Variants in DENND4C observed in about 807,000 individuals in gnomAD.
DENND4C encodes DENN domain containing 4C.
Under a neutral mutation model 203.0 loss-of-function variants are expected in DENND4C, and 108 were observed. The ratio of observed to expected loss-of-function variants is 0.53; its 90% CI spans 0.46 to 0.62. The LOEUF (loss-of-function observed/expected upper bound fraction) is 0.62. DENND4C is among the 20% of genes least tolerant of loss of function. The pLI is 0.00. For synonymous variants in DENND4C, 871 were observed against 792.4 expected, an observed-to-expected ratio of 1.10 and a Z score of -1.67; for missense variants, 2,481 against 2,301.2, an observed-to-expected ratio of 1.08 and a Z score of -1.60.
At chr9:19,335,746 T>A (rs1177007151) in intron 18 of DENND4C, among the ~76,000 whole-genome samples, 1 of 152,222 alleles carries the variant, frequency 6.6e-6, no homozygotes, top group Non-Finnish European at 1.5e-5. Context: ...ATTTTCTTCA[T>A]CCATTCATAC....
At chr9:19,251,173 G>A (rs1042591940) in intron 1 of DENND4C, among the ~76,000 whole-genome samples, 10 of 152,200 alleles carry the variant, frequency 6.6e-5, no homozygotes, top group Non-Finnish European at 1.5e-4. Context: ...TCTAGGCGGT[G>A]GTTCGCAAAC....
At chr9:19,334,628 C>T (rs930136697) in intron 17 of DENND4C, among the ~76,000 whole-genome samples, 11 of 150,436 alleles carry the variant, frequency 7.3e-5, no homozygotes, top group Non-Finnish European at 1.5e-4. Flanking sequence ...TGGCTTCAAG[C>T]GATTCTCGTG....
rs1829114652 is a variant in DENND4C, at chr9:19,373,109, A to G, written c.*936A>G. On this transcript the variant is annotated 3_prime_UTR_variant, in exon 33 of 33. Transcript: ENST00000434457. ...ATGACAGCTGCCTTCCCTAACTTTA[A>G]TGTATTAGGTTGGCACAAAATTAAT... is the stretch of plus-strand genomic sequence containing the variant. 1 of 152,176 alleles carries G rather than the reference A, an allele frequency of 6.6e-6. No individual in the cohort carries two copies. Among genetic ancestry groups the G allele is most frequent in the Non-Finnish European group, 1.5e-5 (1 of 68,030 alleles). 9.4% of individuals were successfully genotyped at this position (152,176 alleles called of 1,614,324 possible). A position where few individuals can be genotyped will look rare whatever the true frequency, so the allele number is the denominator to read the frequency against.
intron 17 of DENND4C, among the ~76,000 whole-genome samples, chr9:19,333,562 A>T (rs2131819266): frequency 6.6e-6 from 1 of 152,308 alleles, no homozygotes; most frequent in East Asian, 1.9e-4. Flanking sequence ...ACTGAGGTAG[A>T]TAATAATAGT....
Position 19,258,970 on chromosome 9 carries a change from TA to T in DENND4C, c.-17-17187del, listed in dbSNP as rs774183145. On this transcript the variant is annotated intron_variant, in intron 1 of 32. Coordinates refer to ENST00000434457, the MANE Select transcript of DENND4C (RefSeq NM_001330640.2). ...CTGCCTGGCCTAAATTTTAAGTTTT[TA>T]TGGGTACATAGTAGGTGTATATATT... 9.2e-5 allele frequency among the ~76,000 whole-genome samples: 14 copies of T among 152,264 alleles called. No homozygotes were observed. The South Asian group carries it at 2.5e-3, about 27-fold the overall frequency.
intron 5 of DENND4C, chr9:19,292,230 C>T (rs926922896): frequency 6.6e-6 from 1 of 151,392 alleles, no homozygotes; most frequent in Non-Finnish European, 1.5e-5. Context: ...GGATTTCACC[C>T]TGTTGGTCAG....
intron 1 of DENND4C, among the ~76,000 whole-genome samples, chr9:19,260,685 C>T (rs1252133451): frequency 6.6e-6 from 1 of 152,172 alleles, no homozygotes; most frequent in African/African-American, 2.4e-5. Context: ...GTGTAAGCAA[C>T]CATGCTCGGC....
In DENND4C at chr9:19,316,601, G is replaced by A. The variant is rs1400506619; in HGVS notation, c.1589-20G>A. On this transcript the variant is annotated intron_variant, in intron 11 of 32. Coordinates refer to ENST00000434457, the MANE Select transcript of DENND4C (RefSeq NM_001330640.2). Reference sequence around the variant, plus strand: ...TAAATTTAACATAATACCATTTTCTGTTTTTATTTCCTTTGTTAGTTCACC... The same window carrying A: ...TAAATTTAACATAATACCATTTTCTATTTTTATTTCCTTTGTTAGTTCACC... 6.2e-7 allele frequency: 1 copy of A among 1,609,030 alleles called. No individual in the cohort carries two copies. Among genetic ancestry groups the A allele is most frequent in the Admixed American group, 1.7e-5 (1 of 58,856 alleles).
chr9:19,274,979 GTAT>G (rs1372057925), intron 1 of DENND4C, among the ~76,000 whole-genome samples: 2 of 152,226 alleles, frequency 1.3e-5, no homozygotes, highest in South Asian at 2.1e-4. Context: ...TGACAGTTTA[GTAT>G]TATTATTTTT....
At position 19,372,134 on chromosome 9, in the gene DENND4C, CG is replaced by C; in HGVS notation, c.5839del (p.Glu1947SerfsTer14). The part of the protein sequence containing the change: ...KIDAPPSASV[E>X]WCRKCFGAPL... ...TTGATGCTCCACCAAGTGCCAGTGT[CG>C]AGTGGTGCAGGAAGTGTTTTGGAGC... On this transcript the variant is annotated frameshift_variant, in exon 33 of 33. Coordinates refer to ENST00000434457, the MANE Select transcript of DENND4C (RefSeq NM_001330640.2). LOFTEE classifies it high-confidence loss of function. The C allele has an allele frequency of 6.2e-7, 1 of 1,613,944 alleles. No homozygotes were observed. Among genetic ancestry groups the C allele is most frequent in the Non-Finnish European group, 8.5e-7 (1 of 1,179,962 alleles).
At chr9:19,279,868 T>C (rs745624648) in intron 2 of DENND4C, among the ~76,000 whole-genome samples, 3 of 150,688 alleles carry the variant, frequency 2.0e-5, no homozygotes, top group Non-Finnish European at 3.0e-5. Flanking sequence ...TTTAACAAAA[T>C]TCCCAGAAAC....
intron 21 of DENND4C, among the ~76,000 whole-genome samples, chr9:19,342,289 C>A (rs1821838930): frequency 6.6e-6 from 1 of 152,116 alleles, no homozygotes; most frequent in Admixed American, 6.5e-5. Context: ...AGTGTACTTT[C>A]TTTAATGTTA....
chr9:19,235,703 C>T (rs1588703608), intron 1 of DENND4C, among the ~76,000 whole-genome samples: 4 of 149,008 alleles, frequency 2.7e-5, no homozygotes, highest in South Asian at 2.1e-4. Flanking sequence ...CTCCTCCTCC[C>T]GGGTTCATGC....
Position 19,300,345 on chromosome 9 carries a change from T to C in DENND4C, c.1311+14T>C. Reference sequence around the variant, plus strand: ...GCTGTTGTAGCTGTAAGTATAGAATTTTCCTTTTAGTACAAAATTACTGAC... The same window carrying C: ...GCTGTTGTAGCTGTAAGTATAGAATCTTCCTTTTAGTACAAAATTACTGAC... On this transcript the variant is annotated intron_variant, in intron 9 of 32. Coordinates refer to ENST00000434457, the MANE Select transcript of DENND4C (RefSeq NM_001330640.2). The C allele has an allele frequency of 6.6e-7, 1 of 1,506,648 alleles. No individual in the cohort carries two copies. Among genetic ancestry groups the C allele is most frequent in the Non-Finnish European group, 9.0e-7 (1 of 1,113,532 alleles). The allele number at this position is 1,506,648 out of a possible 1,614,324, so 93.3% of individuals were successfully genotyped here. A position where few individuals can be genotyped will look rare whatever the true frequency, so the allele number is the denominator to read the frequency against.
At position 19,363,387 on chromosome 9, in the gene DENND4C, C is replaced by T. The variant is rs369041556; in HGVS notation, c.5524+1424C>T. ...ATTCAGCTGGGCGTGGTGGTGGGCA[C>T]CTGTAGTTCCAGCTGCTCGGGAGGC... On this transcript the variant is annotated intron_variant, in intron 30 of 32. Coordinates refer to ENST00000434457, the MANE Select transcript of DENND4C (RefSeq NM_001330640.2). Among the ~76,000 whole-genome samples the T allele has an allele frequency of 2.6e-3, 394 of 152,132 alleles. 1 individual carries two copies. The highest frequency in any genetic ancestry group is 0.014 in the Middle Eastern group (4 of 294).
intron 10 of DENND4C, among the ~76,000 whole-genome samples, chr9:19,314,508 C>T (rs1260847301): frequency 6.6e-6 from 1 of 152,052 alleles, no homozygotes; most frequent in Non-Finnish European, 1.5e-5. Flanking sequence ...CAGAAATCAC[C>T]ACTAAAGAAC....
chr9:19,309,089 T>C (rs1017817767), intron 10 of DENND4C, among the ~76,000 whole-genome samples: 4 of 152,190 alleles, frequency 2.6e-5, no homozygotes, highest in Admixed American at 6.5e-5. Flanking sequence ...GGAAGCTAAG[T>C]GACTATGGGA....
chr9:19,243,074 C>A (rs1163028164), intron 1 of DENND4C, among the ~76,000 whole-genome samples: 1 of 152,142 alleles, frequency 6.6e-6, no homozygotes, highest in African/African-American at 2.4e-5. Context: ...CAATCATTAG[C>A]ATAATCTAAT....
chr9:19,296,667 G>A (rs930432451), intron 6 of DENND4C, among the ~76,000 whole-genome samples: 10 of 152,060 alleles, frequency 6.6e-5, no homozygotes, highest in East Asian at 1.9e-4. Flanking sequence ...TCCCTTCTTC[G>A]CCTGAATCAT....
Sources: allele counts gnomAD v4.1 joint callset (sites outside exome capture counted in the v4.1 genomes callset), GRCh38; gene constraint gnomAD v4.1.1; transcripts MANE v1.5; gene names NCBI Gene and HGNC (gene_info 2026-07-23, HGNC 2026-07-21).